Variants in LHFPL4 observed in about 807,000 individuals in gnomAD.
LHFPL4 encodes LHFPL tetraspan subfamily member 4 protein.
In LHFPL4, 6 loss-of-function variants were observed where a neutral mutation model predicts 20.0. That is an observed-to-expected ratio of 0.30 (90% CI 0.16 to 0.59). The LOEUF (loss-of-function observed/expected upper bound fraction) is 0.59. Among genes scored for constraint, LHFPL4 ranks in the 20% least tolerant of loss-of-function variants. The pLI, the probability that LHFPL4 is intolerant of heterozygous loss-of-function variation, is 0.88. For missense variants in LHFPL4, 215 were observed against 331.2 expected, an observed-to-expected ratio of 0.65 and a Z score of 2.72; for synonymous variants, 129 against 143.8, an observed-to-expected ratio of 0.90 and a Z score of 0.74.
At chr3:9,505,245 C>T (rs945061984) in intron 3 of LHFPL4, among the ~76,000 whole-genome samples, 8 of 149,814 alleles carry the variant, frequency 5.3e-5, no homozygotes, top group African/African-American at 2.0e-4. Context: ...TACTGTCAGG[C>T]AGGTTTCTTT....
At chr3:9,524,784 T>C (rs1325681528) in intron 2 of LHFPL4, among the ~76,000 whole-genome samples, 1 of 152,218 alleles carries the variant, frequency 6.6e-6, no homozygotes, top group Non-Finnish European at 1.5e-5. Flanking sequence ...TCAAACTGTG[T>C]TTTTGCCTTT....
chr3:9,537,152 C>T (rs1403145003), intron 2 of LHFPL4, among the ~76,000 whole-genome samples: 1 of 152,128 alleles, frequency 6.6e-6, no homozygotes, highest in Admixed American at 6.6e-5. Context: ...TAAAATCCTG[C>T]CAACAGCTGA....
At chr3:9,545,055 G>GAC (rs1323789173) in intron 2 of LHFPL4, among the ~76,000 whole-genome samples, 3 of 151,848 alleles carry the variant, frequency 2.0e-5, no homozygotes, top group African/African-American at 2.4e-5. Context: ...CACAGTGCCT[G>GAC]ACACACACAC....
Position 9,506,746 on chromosome 3 carries a change from C to G in LHFPL4, c.407-543G>C, listed in dbSNP as rs1276068257. Among the ~76,000 whole-genome samples the G allele has an allele frequency of 6.6e-6, 1 of 152,018 alleles. No individual in the cohort carries two copies. Among genetic ancestry groups the G allele is most frequent in the African/African-American group, 2.4e-5 (1 of 41,390 alleles). On this transcript the variant is annotated intron_variant, in intron 2 of 3. Coordinates refer to ENST00000287585, the MANE Select transcript of LHFPL4 (RefSeq NM_198560.3). The surrounding 1 kb of genome is among the most constrained non-coding windows in gnomAD (Gnocchi z 4.5). Reference sequence around the variant, plus strand: ...CAGGTGCCTCCCACCATGTCCGGCTCATTTTTGTATTTTTAGTAGAGATGA... The same window carrying G: ...CAGGTGCCTCCCACCATGTCCGGCTGATTTTTGTATTTTTAGTAGAGATGA...
chr3:9,502,949 AATTT>A (rs1380754291), intron 3 of LHFPL4, among the ~76,000 whole-genome samples: 3 of 152,234 alleles, frequency 2.0e-5, no homozygotes, highest in Admixed American at 6.5e-5. Context: ...AAATGGAAGC[AATTT>A]ATTTATCTAT....
At chr3:9,533,427 T>C (rs765093764) in intron 2 of LHFPL4, among the ~76,000 whole-genome samples, 1 of 152,222 alleles carries the variant, frequency 6.6e-6, no homozygotes, top group South Asian at 2.1e-4. Flanking sequence ...TGAATCTTCA[T>C]GTGAAGCAAA....
chr3:9,498,982 A>C lies in LHFPL4; in HGVS notation c.*3229T>G, dbSNP rs994134918. 6.6e-6 allele frequency: 1 copy of C among 152,328 alleles called. No individual in the cohort carries two copies. Among genetic ancestry groups the C allele is most frequent in the African/African-American group, 2.4e-5 (1 of 41,464 alleles). 9.4% of individuals were successfully genotyped at this position (152,328 alleles called of 1,614,324 possible). ...GACCAGACTGTGGGCCAGGGACTGAACCACCCCTAGGCTGTGGCTGCCGTG... is the reference window on the plus strand; with the variant it reads ...GACCAGACTGTGGGCCAGGGACTGACCCACCCCTAGGCTGTGGCTGCCGTG... On this transcript the variant is annotated 3_prime_UTR_variant, in exon 4 of 4. Coordinates refer to ENST00000287585, the MANE Select transcript of LHFPL4 (RefSeq NM_198560.3).
intron 2 of LHFPL4, among the ~76,000 whole-genome samples, chr3:9,515,720 C>CT (rs373869436): frequency 0.034 from 4,872 of 143,094 alleles, 104 homozygotes; most frequent in Non-Finnish European, 0.05. Flanking sequence ...TCAGATATGT[C>CT]TTTTTTTTTT....
intron 2 of LHFPL4, among the ~76,000 whole-genome samples, chr3:9,516,998 C>T (rs1201420528): frequency 6.6e-6 from 1 of 151,944 alleles, no homozygotes; most frequent in Non-Finnish European, 1.5e-5. Context: ...CCAGGTTGGT[C>T]TTGAACTCCT....
chr3:9,528,745 A>C lies in LHFPL4; in HGVS notation c.407-22542T>G, dbSNP rs530042340. 2.6e-5 allele frequency among the ~76,000 whole-genome samples: 4 copies of C among 151,542 alleles called. No individual in the cohort carries two copies. In the South Asian group the frequency reaches 8.3e-4, roughly 32 times the overall value. On this transcript the variant is annotated intron_variant, in intron 2 of 3. Coordinates refer to ENST00000287585, the MANE Select transcript of LHFPL4 (RefSeq NM_198560.3). ...ATTCTCCTGCCTCTACCTCCCAAGT[A>C]GCTGGGATTACAGGCGTGTGCCACC...
At chr3:9,537,912 A>G (rs1553648729) in intron 2 of LHFPL4, among the ~76,000 whole-genome samples, 1 of 152,056 alleles carries the variant, frequency 6.6e-6, no homozygotes. Flanking sequence ...AGTAACACTC[A>G]TTGGACCTTT....
chr3:9,552,752 C>T lies in LHFPL4; in HGVS notation c.-73G>A. ...CGGCCCGGGACGGAGCGCCGGGCTG[C>T]CGGGCGGGAGCTGGGGACGCACGCG... On this transcript the variant is annotated 5_prime_UTR_variant, in exon 2 of 4. Transcript: ENST00000287585. 1.1e-6 allele frequency: 1 copy of T among 950,810 alleles called. No homozygotes were observed. Among genetic ancestry groups the T allele is most frequent in the Non-Finnish European group, 1.3e-6 (1 of 769,416 alleles). 58.9% of individuals were successfully genotyped at this position (950,810 alleles called of 1,614,324 possible). A position where few individuals can be genotyped will look rare whatever the true frequency, so the allele number is the denominator to read the frequency against.
In LHFPL4 at chr3:9,499,716, C is replaced by T. The variant is rs959126517; in HGVS notation, c.*2495G>A. On this transcript the variant is annotated 3_prime_UTR_variant, in exon 4 of 4. Transcript: ENST00000287585. ...TCTGAAAGGTCAGTTCTATCCCCCG[C>T]ACCAGGGCACAGGTTTGGTGGGTGT... 10 of 152,294 alleles carry T rather than the reference C, an allele frequency of 6.6e-5. No homozygotes were observed. Among genetic ancestry groups the T allele is most frequent in the African/African-American group, 2.4e-4 (10 of 41,426 alleles). 9.4% of individuals were successfully genotyped at this position (152,294 alleles called of 1,614,324 possible). A position where few individuals can be genotyped will look rare whatever the true frequency, so the allele number is the denominator to read the frequency against.
chr3:9,499,095 A>C lies in LHFPL4; in HGVS notation c.*3116T>G, dbSNP rs554121776. 5.9e-4 allele frequency: 91 copies of C among 152,988 alleles called. No homozygotes were observed. The highest frequency in any genetic ancestry group is 1.0e-3 in the Admixed American group (16 of 15,262). 9.5% of individuals were successfully genotyped at this position (152,988 alleles called of 1,614,324 possible). A position where few individuals can be genotyped will look rare whatever the true frequency, so the allele number is the denominator to read the frequency against. On this transcript the variant is annotated 3_prime_UTR_variant, in exon 4 of 4. Coordinates refer to ENST00000287585, the MANE Select transcript of LHFPL4 (RefSeq NM_198560.3). Reference sequence around the variant, plus strand: ...TTAGGGGGGTCACAGTTAGGGGGGGACTTCTCTTGGGACCTGAAGCCGGAA... The same window carrying C: ...TTAGGGGGGTCACAGTTAGGGGGGGCCTTCTCTTGGGACCTGAAGCCGGAA...
intron 1 of LHFPL4, among the ~76,000 whole-genome samples, chr3:9,553,222 G>C (rs1416250264): frequency 6.6e-6 from 1 of 151,536 alleles, no homozygotes; most frequent in African/African-American, 2.4e-5. Context: ...GCGGTGGTGG[G>C]CGCTTCTAGG....
chr3:9,513,843 A>T (rs930342058), intron 2 of LHFPL4, among the ~76,000 whole-genome samples: 1 of 152,210 alleles, frequency 6.6e-6, no homozygotes, highest in Non-Finnish European at 1.5e-5. Flanking sequence ...GGTCACCATC[A>T]TCGACTGTAA....
Position 9,502,039 on chromosome 3 carries a change from C to T in LHFPL4, c.*172G>A. ...CAAGGTTTGGAGGGCCTCTCCTCTC[C>T]CCCAGGCCACATCCAGGCTTTCCTC... On this transcript the variant is annotated 3_prime_UTR_variant, in exon 4 of 4. Transcript: ENST00000287585. 1 of 627,772 alleles carries T rather than the reference C, an allele frequency of 1.6e-6. No homozygotes were observed. The highest frequency in any genetic ancestry group is 1.9e-5 in the South Asian group (1 of 51,872). The allele number at this position is 627,772 out of a possible 1,614,324, so 38.9% of individuals were successfully genotyped here.
intron 2 of LHFPL4, among the ~76,000 whole-genome samples, chr3:9,549,467 G>A (rs1489626129): frequency 2.0e-5 from 3 of 152,156 alleles, no homozygotes; most frequent in African/African-American, 4.8e-5. Context: ...AGGCTGAGGC[G>A]GGTGGATCAC....
At chr3:9,521,018 T>A (rs1429086403) in intron 2 of LHFPL4, among the ~76,000 whole-genome samples, 1 of 152,164 alleles carries the variant, frequency 6.6e-6, no homozygotes, top group Non-Finnish European at 1.5e-5. Context: ...AGTCTCCAAC[T>A]ACAAGAGTAG....
Sources: gnomAD v4.1 joint callset for allele counts (sites outside exome capture counted in the v4.1 genomes callset) on GRCh38, gnomAD v4.1.1 for gene constraint, Gnocchi (gnomAD v3.1) non-coding constraint, MANE v1.5 for transcripts, NCBI Gene and HGNC (gene_info 2026-07-23, HGNC 2026-07-21) for gene names.